RGS5: variants seen among roughly 807,000 people sequenced by gnomAD.
The protein encoded by RGS5 is regulator of G protein signaling 5, also known as regulator of G-protein signalling 5.
Under a neutral mutation model 18.9 loss-of-function variants are expected in RGS5, and 20 were observed. The ratio of observed to expected loss-of-function variants is 1.06; its 90% CI spans 0.74 to 1.54. The LOEUF (loss-of-function observed/expected upper bound fraction) is 1.54. RGS5 is among the 40% of genes most tolerant of loss of function. The probability of loss-of-function intolerance (pLI) is 0.00; values close to 1 mark genes in which losing one functional copy is unlikely to be tolerated. For missense variants in RGS5, 201 were observed against 211.8 expected (o/e 0.95, Z 0.32); for synonymous variants, 57 against 76.2 (o/e 0.75, Z 1.31).
At chr1:163,317,134 G>A (rs1272452115) in intron 1 of RGS5, among the ~76,000 whole-genome samples, 2 of 152,082 alleles carry the variant, frequency 1.3e-5, no homozygotes, top group Non-Finnish European at 2.9e-5. Context: ...TGTTTCACAG[G>A]CATGTTGAGC....
At chr1:163,247,098 G>A (rs959885890) in intron 2 of RGS5, among the ~76,000 whole-genome samples, 2 of 150,110 alleles carry the variant, frequency 1.3e-5, no homozygotes, top group African/African-American at 5.0e-5. Flanking sequence ...AAAGGTGGGA[G>A]AAGGGTGAAG....
At chr1:163,203,035 G>T, upstream of RGS5, 1 of 548,194 alleles carries the variant, frequency 1.8e-6, no homozygotes, top group Admixed American at 3.1e-5. Flanking sequence ...AGTGGGCCCT[G>T]AGGTGGAGGA....
chr1:163,166,897 T>C (rs1254042460), intron 2 of RGS5, among the ~76,000 whole-genome samples: 1 of 152,192 alleles, frequency 6.6e-6, no homozygotes, highest in African/African-American at 2.4e-5. Context: ...AATTGTCACA[T>C]TGTTTACTTC....
intron 2 of RGS5, among the ~76,000 whole-genome samples, chr1:163,278,215 T>C (rs1648905097): frequency 6.6e-6 from 1 of 152,098 alleles, no homozygotes; most frequent in Admixed American, 6.6e-5. Context: ...AGGCACATTA[T>C]GGTCAAAAGT....
chr1:163,256,480 G>GA (rs2101702318), intron 2 of RGS5, among the ~76,000 whole-genome samples: 2 of 152,294 alleles, frequency 1.3e-5, no homozygotes, highest in African/African-American at 4.8e-5. Flanking sequence ...GGAAGAAGCT[G>GA]ATGAATACGC....
intron 2 of RGS5, among the ~76,000 whole-genome samples, chr1:163,251,707 T>C (rs1454925065): frequency 1.3e-5 from 2 of 152,170 alleles, no homozygotes; most frequent in African/African-American, 2.4e-5. Flanking sequence ...GCAACCACTA[T>C]CCCTAGCTCT....
intron 1 of RGS5, among the ~76,000 whole-genome samples, chr1:163,320,237 G>A (rs1470220661): frequency 1.3e-5 from 2 of 152,044 alleles, no homozygotes; most frequent in Non-Finnish European, 2.9e-5. Context: ...CACTTGCAAG[G>A]TATTTTCCTA....
chr1:163,320,710 C>T (rs1557942569), intron 1 of RGS5, among the ~76,000 whole-genome samples: 1 of 152,070 alleles, frequency 6.6e-6, no homozygotes, highest in East Asian at 1.9e-4. Context: ...TAGATTCCGA[C>T]TTTGAGACTT....
intron 1 of RGS5, among the ~76,000 whole-genome samples, chr1:163,320,438 C>T (rs1382729821): frequency 6.6e-6 from 1 of 152,110 alleles, no homozygotes; most frequent in African/African-American, 2.4e-5. Flanking sequence ...TTAAATAGCT[C>T]GCCTAAGTCC....
intron 3 of RGS5, among the ~76,000 whole-genome samples, chr1:163,156,970 G>A (rs1657607357): frequency 6.6e-6 from 1 of 152,172 alleles, no homozygotes; most frequent in South Asian, 2.1e-4. Context: ...ATGGTTGCCT[G>A]TGAGGAAGAT....
At position 163,142,849 on chromosome 1, in the gene RGS5, A is replaced by C. The variant is rs1656976552; in HGVS notation, c.*4493T>G. On this transcript the variant is annotated 3_prime_UTR_variant, in exon 5 of 5. Transcript: ENST00000313961. ...AAAAAATACCTCAGGTGAGAGAACA[A>C]GTAACTTGCAAGAGGCTTATTAAAC... The C allele has an allele frequency of 6.6e-6, 1 of 152,240 alleles. No individual in the cohort carries two copies. Among genetic ancestry groups the C allele is most frequent in the Admixed American group, 6.5e-5 (1 of 15,278 alleles). 9.4% of individuals were successfully genotyped at this position (152,240 alleles called of 1,614,324 possible). A position where few individuals can be genotyped will look rare whatever the true frequency, so the allele number is the denominator to read the frequency against.
intron 2 of RGS5, among the ~76,000 whole-genome samples, chr1:163,281,352 A>G (rs1178284416): frequency 2.0e-5 from 3 of 152,182 alleles, no homozygotes; most frequent in Non-Finnish European, 4.4e-5. Context: ...CAGGCTGTAC[A>G]GGAAGCATGA....
intron 3 of RGS5, among the ~76,000 whole-genome samples, chr1:163,157,319 C>T (rs546767293): frequency 2.0e-5 from 3 of 152,130 alleles, no homozygotes; most frequent in Non-Finnish European, 4.4e-5. Context: ...ATACGCCCAA[C>T]GTGCCTATGA....
chr1:163,185,980 T>A (rs191160401), intron 1 of RGS5, among the ~76,000 whole-genome samples: 2 of 152,328 alleles, frequency 1.3e-5, no homozygotes, highest in East Asian at 3.9e-4. Flanking sequence ...GGGCTTTTAA[T>A]TATTATCATG....
intron 3 of RGS5, among the ~76,000 whole-genome samples, chr1:163,155,894 A>G (rs1279992334): frequency 6.6e-6 from 1 of 151,762 alleles, no homozygotes; most frequent in Non-Finnish European, 1.5e-5. Flanking sequence ...TTATGGAAAC[A>G]CTCCAGGTTG....
At chr1:163,178,513 G>A (rs1160683420) in intron 1 of RGS5, among the ~76,000 whole-genome samples, 4 of 152,074 alleles carry the variant, frequency 2.6e-5, no homozygotes, top group Admixed American at 6.5e-5. Context: ...GTACAACAAT[G>A]TAGTACGCCT....
chr1:163,274,544 G>A (rs75509665), intron 2 of RGS5, among the ~76,000 whole-genome samples: 13,342 of 152,146 alleles, frequency 0.088, 644 homozygotes, highest in African/African-American at 0.13. Context: ...TGAGCTCTGT[G>A]AGCTGTTCTA....
chr1:163,198,369 C>T (rs1338545552), intron 1 of RGS5, among the ~76,000 whole-genome samples: 1 of 152,062 alleles, frequency 6.6e-6, no homozygotes, highest in Non-Finnish European at 1.5e-5. Flanking sequence ...GCCAGTCACC[C>T]AGAGTAGCAA....
intron 1 of RGS5, among the ~76,000 whole-genome samples, chr1:163,312,022 C>T (rs1429864945): frequency 6.6e-6 from 1 of 152,210 alleles, no homozygotes; most frequent in African/African-American, 2.4e-5. Context: ...GGCTTTGTGT[C>T]TCCACTCAAA....
Sources: gnomAD v4.1 joint callset for allele counts (sites outside exome capture counted in the v4.1 genomes callset) on GRCh38, gnomAD v4.1.1 for gene constraint, MANE v1.5 for transcripts, NCBI Gene and HGNC (gene_info 2026-07-23, HGNC 2026-07-21) for gene names.